FAM81A: variants seen among roughly 807,000 people sequenced by gnomAD.
FAM81A encodes the protein protein FAM81A.
In FAM81A, 19 loss-of-function variants were observed where a neutral mutation model predicts 46.7. The ratio of observed to expected loss-of-function variants is 0.41; its 90% CI spans 0.28 to 0.60. The LOEUF (loss-of-function observed/expected upper bound fraction) is 0.60. FAM81A is among the 20% of genes least tolerant of loss of function. FAM81A has a pLI of 0.34. For synonymous variants in FAM81A, 183 were observed against 152.9 expected, an observed-to-expected ratio of 1.20 and a Z score of -1.45; for missense variants, 377 against 453.5, an observed-to-expected ratio of 0.83 and a Z score of 1.53.
intron 8 of FAM81A, among the ~76,000 whole-genome samples, chr15:59,517,324 A>G (rs2082278013): frequency 6.6e-6 from 1 of 152,320 alleles, no homozygotes; most frequent in South Asian, 2.1e-4. Flanking sequence ...GAGTGCTGTC[A>G]TATATGGGAG....
chr15:59,498,653 A>G (rs1294601516), intron 4 of FAM81A, among the ~76,000 whole-genome samples: 1 of 151,752 alleles, frequency 6.6e-6, no homozygotes, highest in Non-Finnish European at 1.5e-5. Flanking sequence ...TTAGGTGTGG[A>G]TTTTTGTTTT....
intron 3 of FAM81A, among the ~76,000 whole-genome samples, chr15:59,469,514 CAG>C (rs2141672915): frequency 6.6e-6 from 1 of 150,772 alleles, no homozygotes. Flanking sequence ...TCTGTTTTAT[CAG>C]AGACTAGGAA....
intron 2 of FAM81A, chr15:59,407,769 G>T: frequency 8.8e-6 from 2 of 226,200 alleles, no homozygotes; most frequent in South Asian, 1.2e-4. Flanking sequence ...TAGTGGGGAA[G>T]TCCCCTTTGC....
At chr15:59,435,730 T>C (rs903813317), upstream of FAM81A, among the ~76,000 whole-genome samples, 1 of 152,240 alleles carries the variant, frequency 6.6e-6, no homozygotes, top group Non-Finnish European at 1.5e-5. Context: ...ATCAAGTATA[T>C]AGAATTGTTC....
At chr15:59,404,613 C>T (rs2081086414) in intron 2 of FAM81A, among the ~76,000 whole-genome samples, 3 of 152,126 alleles carry the variant, frequency 2.0e-5, no homozygotes, top group Admixed American at 6.5e-5. Flanking sequence ...TGCACCACTA[C>T]ACCCACCTCA....
Position 59,523,268 on chromosome 15 carries a change from C to G in FAM81A, c.*1890C>G, listed in dbSNP as rs1399324156. 1 of 152,300 alleles carries G rather than the reference C, an allele frequency of 6.6e-6. No individual in the cohort carries two copies. Among genetic ancestry groups the G allele is most frequent in the African/African-American group, 2.4e-5 (1 of 41,462 alleles). The allele number at this position is 152,300 out of a possible 1,614,324, so 9.4% of individuals were successfully genotyped here. ...GCCAGCCCCTTGAGATGAGCCACCG[C>G]AGGTGTGCTCACCTTGGCTACATGT... On this transcript the variant is annotated 3_prime_UTR_variant, in exon 9 of 9. Coordinates refer to ENST00000288228, the MANE Select transcript of FAM81A (RefSeq NM_152450.3).
intron 4 of FAM81A, among the ~76,000 whole-genome samples, chr15:59,506,663 C>A (rs1490877277): frequency 2.0e-5 from 3 of 152,238 alleles, no homozygotes; most frequent in Non-Finnish European, 4.4e-5. Context: ...ATCTGCCACA[C>A]ATACTTTGAG....
At chr15:59,442,618 CAAAAAAAA>C (rs1196305104) in intron 1 of FAM81A, among the ~76,000 whole-genome samples, 1 of 76,700 alleles carries the variant, frequency 1.3e-5, no homozygotes, top group Non-Finnish European at 2.7e-5. Context: ...CTCCGTCTCT[CAAAAAAAA>C]AAAAAAAAAA....
rs1026638138 is a variant in FAM81A, at chr15:59,487,083, C to A, written c.295-5188C>A. ...AATCAAAAATAATAACTTTTCCAGA[C>A]ATAGACAGTACAATAAGATATGAAT... On this transcript the variant is annotated intron_variant, in intron 3 of 8. Transcript: ENST00000288228. Among the ~76,000 whole-genome samples, 59 of 150,814 alleles carry A rather than the reference C, an allele frequency of 3.9e-4. 2 individuals are homozygous for A. The highest frequency in any genetic ancestry group is 3.8e-3 in the Admixed American group (57 of 15,146).
intron 2 of FAM81A, 101 bp from the exon 3 acceptor site, chr15:59,459,832 T>G: frequency 7.0e-7 from 1 of 1,423,714 alleles, no homozygotes. Flanking sequence ...TAGCTTGTAG[T>G]TATAGATAAT....
At chr15:59,455,426 A>T (rs1353471172) in intron 1 of FAM81A, among the ~76,000 whole-genome samples, 2 of 152,194 alleles carry the variant, frequency 1.3e-5, no homozygotes, top group African/African-American at 4.8e-5. Flanking sequence ...CGTACAGGAG[A>T]TGATAACCTC....
chr15:59,505,784 C>G (rs2082143056), intron 4 of FAM81A, among the ~76,000 whole-genome samples: 1 of 152,132 alleles, frequency 6.6e-6, no homozygotes. Context: ...GGGCTTCAGT[C>G]CCTACGAGAC....
intron 6 of FAM81A, among the ~76,000 whole-genome samples, chr15:59,510,545 G>A (rs542040655): frequency 1.3e-5 from 2 of 151,866 alleles, no homozygotes; most frequent in Non-Finnish European, 2.9e-5. Context: ...GGGTGAGAAG[G>A]TGGTCTGGTA....
chr15:59,435,036 C>A (rs1177655805), upstream of FAM81A, among the ~76,000 whole-genome samples: 1 of 152,230 alleles, frequency 6.6e-6, no homozygotes, highest in African/African-American at 2.4e-5. Flanking sequence ...TGCCTGTAAT[C>A]CCAGCACTTT....
chr15:59,410,146 A>C (rs1359438108), intron 2 of FAM81A, among the ~76,000 whole-genome samples: 1 of 152,058 alleles, frequency 6.6e-6, no homozygotes, highest in African/African-American at 2.4e-5. Flanking sequence ...TAAAAATACA[A>C]ATTTGTCAGG....
At chr15:59,510,273 T>C (rs1360290392) in intron 6 of FAM81A, among the ~76,000 whole-genome samples, 1 of 150,440 alleles carries the variant, frequency 6.6e-6, no homozygotes, top group African/African-American at 2.5e-5. Flanking sequence ...GGGTGAGACA[T>C]GAGCATTGCT....
chr15:59,440,808 C>T (rs1478057525), intron 1 of FAM81A, among the ~76,000 whole-genome samples: 2 of 152,154 alleles, frequency 1.3e-5, no homozygotes, highest in Admixed American at 1.3e-4. Context: ...TGGCCATTTC[C>T]ATTCTGTCTG....
In FAM81A at chr15:59,460,069, C is replaced by A; in HGVS notation, c.157C>A (p.Arg53=). 6.2e-7 allele frequency: 1 copy of A among 1,613,876 alleles called. No homozygotes were observed. Among genetic ancestry groups the A allele is most frequent in the Non-Finnish European group, 8.5e-7 (1 of 1,179,896 alleles). ...TTAALVEHAF[R]IKDDIVNSLQ... ...CGCCGCCCTCGTAGAGCACGCCTTTCGGATTAAAGATGACATTGTCAACAG... is the reference window on the plus strand; with the variant it reads ...CGCCGCCCTCGTAGAGCACGCCTTTAGGATTAAAGATGACATTGTCAACAG... Residue 53 remains arginine, a synonymous_variant, in exon 3 of 9, where the codon CGG becomes AGG. Transcript: ENST00000288228. This position sits in a 1 kb window ranked among gnomAD's most constrained non-coding sequence, Gnocchi z 4.4.
At chr15:59,465,294 A>G (rs2081598837) in intron 3 of FAM81A, among the ~76,000 whole-genome samples, 1 of 152,054 alleles carries the variant, frequency 6.6e-6, no homozygotes, top group South Asian at 2.1e-4. Flanking sequence ...ATTTATTGAG[A>G]TACAGTCTCA....
Sources: gnomAD v4.1 joint callset for allele counts (sites outside exome capture counted in the v4.1 genomes callset) on GRCh38, gnomAD v4.1.1 for gene constraint, Gnocchi (gnomAD v3.1) non-coding constraint, MANE v1.5 for transcripts, NCBI Gene and HGNC (gene_info 2026-07-23, HGNC 2026-07-21) for gene names.